Variants in CNTN6 observed in about 807,000 individuals in gnomAD.
The protein encoded by CNTN6 is contactin 6.
In CNTN6, 137 loss-of-function variants were observed where a neutral mutation model predicts 122.8. The ratio of observed to expected loss-of-function variants is 1.12; its 90% confidence interval spans 0.97 to 1.29. CNTN6 has a LOEUF of 1.29. CNTN6 is among the 50% of genes most tolerant of loss of function. CNTN6 has a pLI of 0.00. For missense variants in CNTN6, 1,634 were observed against 1,223.4 expected (o/e 1.34, Z -5.01); for synonymous variants, 570 against 426.0 (o/e 1.34, Z -4.16).
chr3:1,339,462 A>G (rs941314683), intron 11 of CNTN6, among the ~76,000 whole-genome samples: 1 of 152,152 alleles, frequency 6.6e-6, no homozygotes, highest in Non-Finnish European at 1.5e-5. Flanking sequence ...TCTCCTGGGG[A>G]AGGCAGACAA....
chr3:1,107,574 A>G (rs1473155815), intron 1 of CNTN6, among the ~76,000 whole-genome samples: 1 of 152,142 alleles, frequency 6.6e-6, no homozygotes, highest in East Asian at 1.9e-4. Context: ...CAAAAGATCA[A>G]AGTAAAATGG....
At chr3:1,156,695 T>C (rs1010102358) in intron 2 of CNTN6, among the ~76,000 whole-genome samples, 2 of 142,058 alleles carry the variant, frequency 1.4e-5, no homozygotes, top group Non-Finnish European at 3.1e-5. Context: ...CTCCCTCCCT[T>C]CCTTCCTTCC....
At chr3:1,377,410 G>A (rs1710034506) in intron 17 of CNTN6, among the ~76,000 whole-genome samples, 1 of 152,088 alleles carries the variant, frequency 6.6e-6, no homozygotes, top group South Asian at 2.1e-4. Context: ...TGAATAAGTT[G>A]AGCCCAGTAG....
At position 1,349,063 on chromosome 3, in the gene CNTN6, T is replaced by C. The variant is rs1705213804; in HGVS notation, c.1365-3261T>C. ...CAGTAGACATTTAGAAAGTATTTGCTGATTAAGAAGGAAAAAATATCTTAA... is the reference window on the plus strand; with the variant it reads ...CAGTAGACATTTAGAAAGTATTTGCCGATTAAGAAGGAAAAAATATCTTAA... On this transcript the variant is annotated intron_variant, in intron 11 of 22. Coordinates refer to ENST00000446702, the MANE Select transcript of CNTN6 (RefSeq NM_001289080.2). Among the ~76,000 whole-genome samples the C allele has an allele frequency of 2.0e-5, 3 of 152,010 alleles. No homozygotes were observed. The South Asian group carries it at 6.2e-4, about 31-fold the overall frequency.
At chr3:1,225,143 T>G (rs930448350) in intron 3 of CNTN6, among the ~76,000 whole-genome samples, 3 of 152,230 alleles carry the variant, frequency 2.0e-5, no homozygotes, top group Non-Finnish European at 4.4e-5. Flanking sequence ...TTATGTTTTC[T>G]GGAACTAATA....
intron 2 of CNTN6, among the ~76,000 whole-genome samples, chr3:1,207,153 A>G (rs1018475433): frequency 7.9e-5 from 12 of 152,160 alleles, no homozygotes; most frequent in Middle Eastern, 3.4e-3. Flanking sequence ...TTATAAAACC[A>G]AAGTCTTTGT....
At chr3:1,246,476 G>C (rs1209455800) in intron 4 of CNTN6, among the ~76,000 whole-genome samples, 1 of 151,952 alleles carries the variant, frequency 6.6e-6, no homozygotes, top group East Asian at 1.9e-4. Flanking sequence ...ATTTCTAAGT[G>C]CATTCTTCTA....
chr3:1,170,001 G>A (rs1469840342), intron 2 of CNTN6, among the ~76,000 whole-genome samples: 3 of 151,952 alleles, frequency 2.0e-5, no homozygotes, highest in African/African-American at 4.8e-5. Context: ...TTGTGAGGCC[G>A]AGGCGGGCGG....
chr3:1,346,518 TCTTA>T (rs748566688), intron 11 of CNTN6, among the ~76,000 whole-genome samples: 2 of 152,108 alleles, frequency 1.3e-5, no homozygotes, highest in African/African-American at 4.8e-5. Flanking sequence ...AGTCTCTCTC[TCTTA>T]CTTCCCCTCT....
At position 1,292,616 on chromosome 3, in the gene CNTN6, A is replaced by T. The variant is rs556879410; in HGVS notation, c.455-2985A>T. Among the ~76,000 whole-genome samples the T allele has an allele frequency of 5.9e-5, 9 of 152,254 alleles. No homozygotes were observed. The East Asian group carries it at 1.7e-3, about 29-fold the overall frequency. On this transcript the variant is annotated intron_variant, in intron 5 of 22. Transcript: ENST00000446702. ...GGTGTGGGAATCAGTGCCTGCATAA[A>T]ACATAAAACATCCATTTGAACGGTT... is the stretch of plus-strand genomic sequence containing the variant.
chr3:1,399,312 A>G (rs1335231100), intron 20 of CNTN6, among the ~76,000 whole-genome samples: 3 of 151,870 alleles, frequency 2.0e-5, no homozygotes, highest in African/African-American at 7.2e-5. Context: ...AGATTTTAAA[A>G]GGCACTGGAG....
At chr3:1,208,651 C>T (rs904617289) in intron 2 of CNTN6, among the ~76,000 whole-genome samples, 21 of 152,090 alleles carry the variant, frequency 1.4e-4, no homozygotes, top group South Asian at 8.3e-4. Context: ...AGTCAGTTTG[C>T]CTAGACTCAA....
chr3:1,209,614 A>T (rs1489477544), intron 2 of CNTN6, among the ~76,000 whole-genome samples: 1 of 152,192 alleles, frequency 6.6e-6, no homozygotes, highest in Non-Finnish European at 1.5e-5. Context: ...TCAAATGATT[A>T]TTACAATGAA....
chr3:1,131,531 A>C (rs1444993490), intron 1 of CNTN6, among the ~76,000 whole-genome samples: 1 of 152,098 alleles, frequency 6.6e-6, no homozygotes, highest in African/African-American at 2.4e-5. Context: ...GGAGTGAATA[A>C]AGTGTTCACT....
At chr3:1,178,551 A>G (rs1239048909) in intron 2 of CNTN6, among the ~76,000 whole-genome samples, 1 of 152,144 alleles carries the variant, frequency 6.6e-6, no homozygotes, top group Non-Finnish European at 1.5e-5. Flanking sequence ...TCCAATACCT[A>G]TGTCATATCT....
At chr3:1,291,392 A>G (rs1695298662) in intron 5 of CNTN6, among the ~76,000 whole-genome samples, 2 of 152,164 alleles carry the variant, frequency 1.3e-5, no homozygotes, top group Non-Finnish European at 2.9e-5. Flanking sequence ...AGAGAGGAAA[A>G]TTACAGTCTC....
intron 4 of CNTN6, among the ~76,000 whole-genome samples, chr3:1,248,588 G>A (rs1395729459): frequency 6.6e-6 from 1 of 152,154 alleles, no homozygotes; most frequent in African/African-American, 2.4e-5. Context: ...AGGAGGCCAA[G>A]GTGGGTGGAT....
At chr3:1,308,115 A>G (rs1033920133) in intron 7 of CNTN6, among the ~76,000 whole-genome samples, 1 of 152,138 alleles carries the variant, frequency 6.6e-6, no homozygotes, top group Non-Finnish European at 1.5e-5. Flanking sequence ...TTAATATTTA[A>G]TAATTTACTT....
At chr3:1,131,647 A>G (rs2092339196) in intron 1 of CNTN6, among the ~76,000 whole-genome samples, 1 of 152,130 alleles carries the variant, frequency 6.6e-6, no homozygotes, top group South Asian at 2.1e-4. Flanking sequence ...ACCTCCAGGG[A>G]TAGAGCTGAG....
Sources: allele counts gnomAD v4.1 joint callset (sites outside exome capture counted in the v4.1 genomes callset), GRCh38; gene constraint gnomAD v4.1.1; transcripts MANE v1.5; gene names NCBI Gene and HGNC (gene_info 2026-07-23, HGNC 2026-07-21).